The following LRRC37A2 variants were observed in gnomAD, a reference collection of about 807,000 sequenced individuals.
LRRC37A2 encodes leucine rich repeat containing 37 member A2.
Under a neutral mutation model 68.8 loss-of-function variants are expected in LRRC37A2, and 9 were observed. The observed-to-expected ratio is 0.13, with a 90% CI of 0.08 to 0.23. The LOEUF is 0.23. Among genes scored for constraint, LRRC37A2 ranks in the 10% least tolerant of loss-of-function variants. The pLI, the probability that LRRC37A2 is intolerant of heterozygous loss-of-function variation, is 1.00. For synonymous variants in LRRC37A2, 63 were observed against 367.6 expected (o/e 0.17, Z 9.48); for missense variants, 168 against 950.4 (o/e 0.18, Z 10.82).
At chr17:46,711,026 G>C in the LRRC37A2 span, 6 of 1,593,130 alleles carry the variant, frequency 3.8e-6, no homozygotes, top group South Asian at 5.8e-5. Context: ...CAAATGGGGT[G>C]ACCCAGTTAC....
At chr17:46,827,597 T>C in the LRRC37A2 span, among the ~76,000 whole-genome samples, 2 of 152,116 alleles carry the variant, frequency 1.3e-5, no homozygotes, top group African/African-American at 4.8e-5. Context: ...TATGAAATAA[T>C]ACATTTTCCT....
At chr17:46,770,158 A>C in the LRRC37A2 span, 1 of 1,386,550 alleles carries the variant, frequency 7.2e-7, no homozygotes, top group African/African-American at 1.4e-5. Flanking sequence ...GAAGAGTTGA[A>C]GAGCTCACCA....
chr17:46,708,463 T>TA, the LRRC37A2 span, among the ~76,000 whole-genome samples: 1 of 151,906 alleles, frequency 6.6e-6, no homozygotes, highest in Non-Finnish European at 1.5e-5. Flanking sequence ...TATCTTTTCA[T>TA]ATGCTTATCA....
the LRRC37A2 span, among the ~76,000 whole-genome samples, chr17:47,002,081 G>A: frequency 3.3e-5 from 5 of 152,080 alleles, no homozygotes; most frequent in South Asian, 1.0e-3. Context: ...ATATTTTCTA[G>A]TGCTTTCTAG....
At chr17:46,983,239 T>C in the LRRC37A2 span, among the ~76,000 whole-genome samples, 1 of 151,548 alleles carries the variant, frequency 6.6e-6, no homozygotes, top group Admixed American at 6.6e-5. Context: ...CCATCTGGCC[T>C]GGACCTAGCT....
the LRRC37A2 span, among the ~76,000 whole-genome samples, chr17:46,960,592 C>T: frequency 2.0e-5 from 3 of 152,214 alleles, no homozygotes; most frequent in African/African-American, 7.2e-5. Flanking sequence ...AAACAGGATA[C>T]AACCCAAATA....
chr17:46,626,110 CT>C, the LRRC37A2 span, among the ~76,000 whole-genome samples: 359 of 125,372 alleles, frequency 2.9e-3, 10 homozygotes, highest in Middle Eastern at 3.8e-3. Flanking sequence ...TTTTTTAAAT[CT>C]TTTTTTTTTT....
the LRRC37A2 span, among the ~76,000 whole-genome samples, chr17:46,897,367 G>A: frequency 2.6e-5 from 4 of 152,282 alleles, no homozygotes; most frequent in East Asian, 1.9e-4. Flanking sequence ...CCTAGAATCC[G>A]AGGCTACCAT....
the LRRC37A2 span, among the ~76,000 whole-genome samples, chr17:46,986,826 G>T: frequency 0.021 from 3,227 of 152,316 alleles, 41 homozygotes; most frequent in Non-Finnish European, 0.031. Context: ...GACCTGCTGG[G>T]GGGAACAGTC....
the LRRC37A2 span, among the ~76,000 whole-genome samples, chr17:46,933,909 T>C: frequency 6.7e-6 from 1 of 150,060 alleles, no homozygotes; most frequent in African/African-American, 2.5e-5. Flanking sequence ...AAGGCTGCTC[T>C]CTATCCTGGG....
At chr17:46,995,116 G>A in the LRRC37A2 span, among the ~76,000 whole-genome samples, 1 of 152,086 alleles carries the variant, frequency 6.6e-6, no homozygotes, top group Non-Finnish European at 1.5e-5. Flanking sequence ...GAGTGAGACT[G>A]TCCCCCCACT....
the LRRC37A2 span, among the ~76,000 whole-genome samples, chr17:46,870,665 C>T: frequency 1.1e-3 from 169 of 152,338 alleles, no homozygotes; most frequent in African/African-American, 3.8e-3. Context: ...CGCATACCCT[C>T]TGGTGAGGCT....
the LRRC37A2 span, among the ~76,000 whole-genome samples, chr17:46,789,328 C>T: frequency 6.6e-6 from 1 of 152,168 alleles, no homozygotes; most frequent in Non-Finnish European, 1.5e-5. Context: ...GACCAGCTGG[C>T]TACTGGGGTC....
the LRRC37A2 span, among the ~76,000 whole-genome samples, chr17:46,788,842 G>A: frequency 3.9e-5 from 6 of 152,184 alleles, no homozygotes; most frequent in South Asian, 6.2e-4. Flanking sequence ...CCCACAGGCT[G>A]TCTCCACGGC....
the LRRC37A2 span, chr17:46,933,631 C>CTTTTTTTTTTTTTTTTT: frequency 7.8e-4 from 105 of 134,714 alleles, 5 homozygotes; most frequent in African/African-American, 2.9e-3. Context: ...GTGGCATAAC[C>CTTTTTTTTTTTTTTTTT]TTTTTTTTTT....
chr17:46,992,198 C>A, the LRRC37A2 span, among the ~76,000 whole-genome samples: 10 of 143,776 alleles, frequency 7.0e-5, no homozygotes, highest in South Asian at 2.2e-4. Context: ...CCCATCTCTA[C>A]TAAATAAATA....
chr17:46,931,652 C>A, the LRRC37A2 span: 1 of 233,702 alleles, frequency 4.3e-6, no homozygotes, highest in Non-Finnish European at 7.8e-6. Context: ...ACCACCCTTG[C>A]CACCTCCACC....
At chr17:46,870,672 G>A in the LRRC37A2 span, among the ~76,000 whole-genome samples, 1 of 152,216 alleles carries the variant, frequency 6.6e-6, no homozygotes, top group Non-Finnish European at 1.5e-5. Context: ...CCTCTGGTGA[G>A]GCTTCCAACT....
At chr17:46,747,164 A>G in the LRRC37A2 span, among the ~76,000 whole-genome samples, 3 of 152,250 alleles carry the variant, frequency 2.0e-5, no homozygotes, top group Non-Finnish European at 4.4e-5. Context: ...TTAGCTATCC[A>G]GCAATCACCA....
Sources: gnomAD v4.1 joint callset for allele counts (sites outside exome capture counted in the v4.1 genomes callset) on GRCh38, gnomAD v4.1.1 for gene constraint, MANE v1.5 for transcripts, NCBI Gene and HGNC (gene_info 2026-07-23, HGNC 2026-07-21) for gene names.